GALNT17: variants seen among roughly 807,000 people sequenced by gnomAD.
GALNT17 encodes polypeptide N-acetylgalactosaminyltransferase 17, also known as UDP-GalNAc:polypeptide N-acetylgalactosaminyltransferase-like 3.
In GALNT17, 29 loss-of-function variants were observed where a neutral mutation model predicts 63.7. The ratio of observed to expected loss-of-function variants is 0.46; its 90% confidence interval spans 0.34 to 0.62. The LOEUF (loss-of-function observed/expected upper bound fraction) is 0.62. GALNT17 is among the 20% of genes least tolerant of loss of function. The pLI is 0.01. For missense variants in GALNT17, 603 were observed against 799.6 expected (o/e 0.75, Z 2.97); for synonymous variants, 305 against 318.3 (o/e 0.96, Z 0.45).
intron 1 of GALNT17, among the ~76,000 whole-genome samples, chr7:71,275,341 G>A (rs1055178386): frequency 4.6e-5 from 7 of 152,150 alleles, no homozygotes; most frequent in African/African-American, 1.7e-4. Context: ...TGAGGTGGGA[G>A]GATCTCTGGA....
chr7:71,475,374 G>T (rs910489766), intron 5 of GALNT17, among the ~76,000 whole-genome samples: 2 of 152,096 alleles, frequency 1.3e-5, no homozygotes, highest in African/African-American at 4.8e-5. Flanking sequence ...GCAACTAAAC[G>T]GTCCCTTCTG....
chr7:71,244,448 A>G (rs1284929762), intron 1 of GALNT17, among the ~76,000 whole-genome samples: 5 of 152,212 alleles, frequency 3.3e-5, no homozygotes, highest in African/African-American at 9.7e-5. Flanking sequence ...CTTTGGAGAC[A>G]CACAGATCTG....
chr7:71,468,685 G>T (rs547514409), intron 5 of GALNT17, among the ~76,000 whole-genome samples: 1 of 152,132 alleles, frequency 6.6e-6, no homozygotes, highest in African/African-American at 2.4e-5. Flanking sequence ...CCAAAGTGCT[G>T]GGATTACAGG....
At chr7:71,458,686 G>A (rs1032347880) in intron 5 of GALNT17, among the ~76,000 whole-genome samples, 16 of 152,160 alleles carry the variant, frequency 1.1e-4, no homozygotes, top group African/African-American at 3.6e-4. Context: ...GGATGGGAAC[G>A]TGGAAAGGTG....
At chr7:71,215,697 G>T (rs151186681) in intron 1 of GALNT17, among the ~76,000 whole-genome samples, 26 of 152,162 alleles carry the variant, frequency 1.7e-4, no homozygotes, top group Non-Finnish European at 3.7e-4. Flanking sequence ...ATTATATCCT[G>T]GGGCTTTGCT....
intron 1 of GALNT17, among the ~76,000 whole-genome samples, chr7:71,274,907 T>A (rs1188604642): frequency 6.6e-6 from 1 of 152,188 alleles, no homozygotes; most frequent in Admixed American, 6.5e-5. Context: ...GCCAACAACA[T>A]TGTTATACTA....
At position 71,382,816 on chromosome 7, in the gene GALNT17, A is replaced by G. The variant is rs188060413; in HGVS notation, c.423-5419A>G. On this transcript the variant is annotated intron_variant, in intron 2 of 10. Coordinates refer to ENST00000333538, the MANE Select transcript of GALNT17 (RefSeq NM_022479.3). ...ATGGGGAGGTAGAGAGAGAGAATGA[A>G]TTTATTTATTTTTCCCATTTTTTAT... Among the ~76,000 whole-genome samples, 16 of 152,246 alleles carry G rather than the reference A, an allele frequency of 1.1e-4. No homozygotes were observed. The East Asian group carries it at 3.1e-3, about 29-fold the overall frequency.
chr7:71,271,353 G>A (rs1156953326), intron 1 of GALNT17, among the ~76,000 whole-genome samples: 1 of 152,208 alleles, frequency 6.6e-6, no homozygotes, highest in Non-Finnish European at 1.5e-5. Flanking sequence ...CCACATCAGG[G>A]TGATGATGCT....
intron 5 of GALNT17, among the ~76,000 whole-genome samples, chr7:71,517,093 G>A (rs1329077459): frequency 3.3e-5 from 5 of 152,126 alleles, no homozygotes; most frequent in South Asian, 2.1e-4. Flanking sequence ...TAGCTTAGGC[G>A]ACCGTAACAA....
chr7:71,619,333 A>G (rs931737022), intron 6 of GALNT17, among the ~76,000 whole-genome samples: 3 of 152,216 alleles, frequency 2.0e-5, no homozygotes, highest in Admixed American at 2.0e-4. Context: ...GTGAAGAATG[A>G]CATTGGTTGT....
At chr7:71,469,061 G>A (rs1167359053) in intron 5 of GALNT17, among the ~76,000 whole-genome samples, 1 of 152,064 alleles carries the variant, frequency 6.6e-6, no homozygotes, top group East Asian at 1.9e-4. Context: ...GTTGGGAGAA[G>A]GTGGTTGGAG....
chr7:71,491,426 G>A (rs998014351), intron 5 of GALNT17, among the ~76,000 whole-genome samples: 5 of 152,080 alleles, frequency 3.3e-5, no homozygotes, highest in Non-Finnish European at 4.4e-5. Context: ...GATTTATAGC[G>A]AGGTCCATCA....
intron 1 of GALNT17, among the ~76,000 whole-genome samples, chr7:71,147,568 T>C (rs1788045909): frequency 6.6e-6 from 1 of 152,184 alleles, no homozygotes; most frequent in Non-Finnish European, 1.5e-5. Flanking sequence ...CCAATCAGAT[T>C]GACACTCAGT....
chr7:71,539,589 C>T (rs1387981906), intron 5 of GALNT17, among the ~76,000 whole-genome samples: 1 of 152,002 alleles, frequency 6.6e-6, no homozygotes, highest in East Asian at 1.9e-4. Flanking sequence ...ATTTTTATAG[C>T]ACCTCCGATG....
At chr7:71,471,419 AAAAAC>A (rs1362147028) in intron 5 of GALNT17, among the ~76,000 whole-genome samples, 26 of 145,464 alleles carry the variant, frequency 1.8e-4, no homozygotes, top group African/African-American at 6.3e-4. Context: ...AAAAAACAAA[AAAAAC>A]CAAAAACCAT....
At chr7:71,434,987 T>C (rs1786933177) in intron 5 of GALNT17, among the ~76,000 whole-genome samples, 1 of 152,086 alleles carries the variant, frequency 6.6e-6, no homozygotes, top group African/African-American at 2.4e-5. Context: ...TTGCTTCCAT[T>C]GAGGGAATTC....
chr7:71,518,432 A>T (rs1788477054), intron 5 of GALNT17, among the ~76,000 whole-genome samples: 1 of 152,196 alleles, frequency 6.6e-6, no homozygotes, highest in African/African-American at 2.4e-5. Context: ...CCATCACTTC[A>T]AGCCATCAGT....
At chr7:71,466,088 T>A (rs893098514) in intron 5 of GALNT17, among the ~76,000 whole-genome samples, 2 of 152,242 alleles carry the variant, frequency 1.3e-5, no homozygotes, top group Non-Finnish European at 2.9e-5. Context: ...AAAAGATAGC[T>A]TTGCAAGGCC....
intron 5 of GALNT17, among the ~76,000 whole-genome samples, chr7:71,500,180 A>C (rs977842497): frequency 6.6e-6 from 1 of 152,166 alleles, no homozygotes; most frequent in Non-Finnish European, 1.5e-5. Context: ...AATTTCCTAG[A>C]GCAATTATTG....
Sources: allele counts gnomAD v4.1 joint callset (sites outside exome capture counted in the v4.1 genomes callset), GRCh38; gene constraint gnomAD v4.1.1; transcripts MANE v1.5; gene names NCBI Gene and HGNC (gene_info 2026-07-23, HGNC 2026-07-21).